TM7SF2: variants seen among roughly 807,000 people sequenced by gnomAD.
The protein encoded by TM7SF2 is delta(14)-sterol reductase TM7SF2.
A neutral mutation model predicts 51.0 loss-of-function variants in TM7SF2; 51 were observed. The observed-to-expected ratio is 1.00, with a 90% confidence interval of 0.80 to 1.26. The LOEUF is 1.26. TM7SF2 is among the 50% of genes most tolerant of loss of function. The pLI, the probability that TM7SF2 is intolerant of heterozygous loss-of-function variation, is 0.00. For synonymous variants in TM7SF2, 255 were observed against 241.0 expected, an observed-to-expected ratio of 1.06 and a Z score of -0.54; for missense variants, 541 against 547.4, an observed-to-expected ratio of 0.99 and a Z score of 0.12.
chr11:65,112,803 A>C lies in TM7SF2; in HGVS notation c.250-8A>C. The C allele has an allele frequency of 6.5e-7, 1 of 1,550,052 alleles. No homozygotes were observed. The highest frequency in any genetic ancestry group is 8.7e-7 in the Non-Finnish European group (1 of 1,146,818). On this transcript the variant is annotated splice_region_variant and splice_polypyrimidine_tract_variant and intron_variant, in intron 2 of 9. Transcript: ENST00000279263. ...CCGGGCCTTATCAGAGCCCCCTTGG[A>C]CCCGCAGGTGGCCGAGGGGCAGGAA...
Position 65,114,760 on chromosome 11 carries a change from C to T in TM7SF2, c.651C>T (p.Gly217=), listed in dbSNP as rs747583561. ...TGATGAAGGAGGCAGAGCTTCGAGGCAGTCCCTCACTGGCCATGTGGCTGG... is the reference window on the plus strand; with the variant it reads ...TGATGAAGGAGGCAGAGCTTCGAGGTAGTCCCTCACTGGCCATGTGGCTGG... ...ALLMKEAELR[G]SPSLAMWLVN... The change falls in exon 6 of 10, where the codon GGC becomes GGT. Residue 217 remains glycine (G), a synonymous_variant. Transcript: ENST00000279263. 3 of 1,614,258 alleles carry T rather than the reference C, an allele frequency of 1.9e-6. No individual in the cohort carries two copies. Among genetic ancestry groups the T allele is most frequent in the Non-Finnish European group, 1.7e-6 (2 of 1,180,042 alleles).
At position 65,115,923 on chromosome 11, in the gene TM7SF2, T is replaced by C; in HGVS notation, c.1127T>C (p.Leu376Pro). 6.2e-7 allele frequency: 1 copy of C among 1,614,012 alleles called. No individual in the cohort carries two copies. Among genetic ancestry groups the C allele is most frequent in the Non-Finnish European group, 8.5e-7 (1 of 1,179,990 alleles). The change falls in exon 10 of 10, where the codon CTC becomes CCC. Residue 376 changes from leucine to proline, a missense_variant. Physicochemically the swap from Leu to Pro is moderately conservative, Grantham distance 98 (BLOSUM62 -3). Transcript: ENST00000279263. The stretch of plus-strand genomic sequence containing the variant: ...TCACACCTGCTGCCCTACTTCTACC[T>C]CCTCTACTTCACCGCGCTGCTGGTG... ...GVSHLLPYFYLLYFTALLVHR... is the reference protein window; with the variant it reads ...GVSHLLPYFYPLYFTALLVHR...
chr11:65,113,141 G>A (rs2137201746), intron 3 of TM7SF2, 79 bp from the exon 4 acceptor site: 1 of 1,430,392 alleles, frequency 7.0e-7, no homozygotes, highest in Non-Finnish European at 9.2e-7. Flanking sequence ...GCCCCCCTGA[G>A]TTTTGGGCTC....
At chr11:65,115,824 T>C in intron 9 of TM7SF2, 69 bp from the exon 10 acceptor site, 1 of 1,610,254 alleles carries the variant, frequency 6.2e-7, no homozygotes, top group South Asian at 1.1e-5. Flanking sequence ...AGCCATGAGG[T>C]GTGGAAACGT....
intron 9 of TM7SF2, 56 bp from the exon 10 acceptor site, chr11:65,115,837 G>C: frequency 6.2e-7 from 1 of 1,613,172 alleles, no homozygotes; most frequent in South Asian, 1.1e-5. Flanking sequence ...GGAAACGTTT[G>C]TGAACTGCGG....
Position 65,115,571 on chromosome 11 carries a change from A to T in TM7SF2, c.1069A>T (p.Met357Leu). ...RHPNYLGDLIMALAWSLPCGV... is the reference protein window; with the variant it reads ...RHPNYLGDLILALAWSLPCGV... ...TCCCAACTATCTTGGAGACCTCATC[A>T]TGGCTCTGGCTTGGTCCTTGCCCTG... is the stretch of plus-strand genomic sequence containing the variant. Residue 357 changes from methionine to leucine, a missense_variant, in exon 9 of 10, where the codon ATG becomes TTG. Coordinates refer to ENST00000279263, the MANE Select transcript of TM7SF2 (RefSeq NM_003273.6). 3 of 1,614,048 alleles carry T rather than the reference A, an allele frequency of 1.9e-6. No homozygotes were observed. The highest frequency in any genetic ancestry group is 2.5e-6 in the Non-Finnish European group (3 of 1,179,992).
At position 65,112,863 on chromosome 11, in the gene TM7SF2, A is replaced by G; in HGVS notation, c.302A>G (p.Asn101Ser). The change falls in exon 3 of 10, where the codon AAC becomes AGC. Residue 101 changes from asparagine (N) to serine (S), a missense_variant and splice_region_variant. By Grantham distance (46) the Asn-to-Ser change is conservative. Coordinates refer to ENST00000279263, the MANE Select transcript of TM7SF2 (RefSeq NM_003273.6). ...KDKSRLRYPI[N>S]GFQALVLTAL... ...AAGAGTCGCCTGCGCTATCCTATTA[A>G]CGGTGCCTAGGGGACGGGCCCTCGC... is the stretch of plus-strand genomic sequence containing the variant. The G allele has an allele frequency of 2.0e-6, 3 of 1,530,756 alleles. No individual in the cohort carries two copies. The highest frequency in any genetic ancestry group is 1.7e-4 in the Middle Eastern group (1 of 5,892). The allele number at this position is 1,530,756 out of a possible 1,614,324, so 94.8% of individuals were successfully genotyped here. A position where few individuals can be genotyped will look rare whatever the true frequency, so the allele number is the denominator to read the frequency against.
At chr11:65,113,436 A>G in intron 4 of TM7SF2, 22 bp downstream of exon 4, 1 of 1,614,130 alleles carries the variant, frequency 6.2e-7, no homozygotes, top group Non-Finnish European at 8.5e-7. Context: ...CCTGGGGTGG[A>G]GACGGAGGCA....
chr11:65,113,273 G>A lies in TM7SF2; in HGVS notation c.358G>A (p.Gly120Arg). Residue 120 changes from glycine (G) to arginine (R), a missense_variant, in exon 4 of 10, where the codon GGG (glycine) becomes AGG (arginine). Coordinates refer to ENST00000279263, the MANE Select transcript of TM7SF2 (RefSeq NM_003273.6). ...GTTGGTGGGGCTGGGGATGTCAGCGGGGCTGCCTCTGGGGGCGCTCCCGGA... is the reference window on the plus strand; with the variant it reads ...GTTGGTGGGGCTGGGGATGTCAGCGAGGCTGCCTCTGGGGGCGCTCCCGGA... ...ALLVGLGMSA[G>R]LPLGALPEML... is the part of the protein sequence containing the mutation. The A allele has an allele frequency of 6.2e-7, 1 of 1,609,336 alleles. No homozygotes were observed. Among genetic ancestry groups the A allele is most frequent in the Non-Finnish European group, 8.5e-7 (1 of 1,179,990 alleles).
Position 65,114,997 on chromosome 11 carries a change from A to AC in TM7SF2, c.810dup (p.Tyr271LeufsTer50), listed in dbSNP as rs758861678. ...TGGGGACATGGCCTGGGTGCCCTTCACCTACAGCCTGCAGGCCCAGTTCCT... is the reference window on the plus strand; with the variant it reads ...TGGGGACATGGCCTGGGTGCCCTTCACCCTACAGCCTGCAGGCCCAGTTCCT... On this transcript the variant is annotated frameshift_variant, in exon 7 of 10. Transcript: ENST00000279263. LOFTEE classifies it high-confidence loss of function. The AC allele has an allele frequency of 1.2e-5, 19 of 1,613,986 alleles. No homozygotes were observed. The highest frequency in any genetic ancestry group is 1.6e-5 in the Non-Finnish European group (19 of 1,180,008).
At position 65,112,373 on chromosome 11, in the gene TM7SF2, G is replaced by A. The variant is rs957443083; in HGVS notation, c.53-142G>A. On this transcript the variant is annotated intron_variant, in intron 1 of 9. Coordinates refer to ENST00000279263, the MANE Select transcript of TM7SF2 (RefSeq NM_003273.6). ...AACTGGGAGGCAGCGGGGTGCCTGGGGGCCGAGGGCTGAGGACGGGGTGCG... is the reference window on the plus strand; with the variant it reads ...AACTGGGAGGCAGCGGGGTGCCTGGAGGCCGAGGGCTGAGGACGGGGTGCG... 4.1e-6 allele frequency: 4 copies of A among 972,088 alleles called. No homozygotes were observed. In the African/African-American group the frequency reaches 7.0e-5, roughly 17 times the overall value. 60.2% of individuals were successfully genotyped at this position (972,088 alleles called of 1,614,324 possible). A position where few individuals can be genotyped will look rare whatever the true frequency, so the allele number is the denominator to read the frequency against.
chr11:65,113,864 G>T (rs1475898434), intron 5 of TM7SF2: 2 of 497,148 alleles, frequency 4.0e-6, no homozygotes, highest in African/African-American at 1.9e-5. Flanking sequence ...CAGGGATGAC[G>T]TTAGGAGAGC....
rs1233977520 is a variant in TM7SF2 at position 65,115,054 on chromosome 11, A to G, written c.865A>G (p.Met289Val). Residue 289 changes from methionine to valine, a missense_variant, in exon 7 of 10, where the codon ATG (methionine) becomes GTG (valine). Physicochemically the swap from Met to Val is conservative, Grantham distance 21 (BLOSUM62 1). Coordinates refer to ENST00000279263, the MANE Select transcript of TM7SF2 (RefSeq NM_003273.6). ...LHHPQPLGLP[M>V]ASVICLINAT... ...CCACCCGCAGCCCCTGGGGTTGCCC[A>G]TGGCCTCTGTCATCTGCCTCATCAA... 8 of 1,613,830 alleles carry G rather than the reference A, an allele frequency of 5.0e-6. No homozygotes were observed. The highest frequency in any genetic ancestry group is 2.2e-5 in the East Asian group (1 of 44,902).
At chr11:65,114,047 G>T (rs1323600351) in intron 5 of TM7SF2, among the ~76,000 whole-genome samples, 1 of 152,124 alleles carries the variant, frequency 6.6e-6, no homozygotes, top group Non-Finnish European at 1.5e-5. Context: ...CTGTGGCCAA[G>T]ATTACCCAAA....
Position 65,113,487 on chromosome 11 carries a change from C to G in TM7SF2, c.500-4C>G, listed in dbSNP as rs1947938455. ...CTGTACATTCACTCTCCAATATTCTCCAGGCAATCCGATTTACGACTTTTT... is the reference window on the plus strand; with the variant it reads ...CTGTACATTCACTCTCCAATATTCTGCAGGCAATCCGATTTACGACTTTTT... On this transcript the variant is annotated splice_region_variant and splice_polypyrimidine_tract_variant and intron_variant, in intron 4 of 9. Transcript: ENST00000279263. 1 of 1,614,194 alleles carries G rather than the reference C, an allele frequency of 6.2e-7. No individual in the cohort carries two copies. The highest frequency in any genetic ancestry group is 1.1e-5 in the South Asian group (1 of 91,082).
chr11:65,113,619 C>G, intron 5 of TM7SF2, 25 bp downstream of exon 5: 1 of 1,609,296 alleles, frequency 6.2e-7, no homozygotes, highest in Non-Finnish European at 8.5e-7. Context: ...ACTGAGCTGG[C>G]CTCAGGCCAG....
chr11:65,113,474 T>C lies in TM7SF2; in HGVS notation c.500-17T>C. 3 of 1,614,124 alleles carry C rather than the reference T, an allele frequency of 1.9e-6. No individual in the cohort carries two copies. Among genetic ancestry groups the C allele is most frequent in the Non-Finnish European group, 2.5e-6 (3 of 1,179,952 alleles). On this transcript the variant is annotated splice_polypyrimidine_tract_variant and intron_variant, in intron 4 of 9. Coordinates refer to ENST00000279263, the MANE Select transcript of TM7SF2 (RefSeq NM_003273.6). Reference sequence around the variant, plus strand: ...TTGGGGCGTCTGCCTGTACATTCACTCTCCAATATTCTCCAGGCAATCCGA... The same window carrying C: ...TTGGGGCGTCTGCCTGTACATTCACCCTCCAATATTCTCCAGGCAATCCGA...
rs1947972170 is a variant in TM7SF2 at position 65,115,722 on chromosome 11, G to T, written c.1096+124G>T. ...TCAGAGAGCTGGGGGTGGACCCAGT[G>T]TGTGGCTGGGGCACACCTCTGTGCC... On this transcript the variant is annotated intron_variant, in intron 9 of 9. Transcript: ENST00000279263. 5.7e-6 allele frequency: 9 copies of T among 1,581,462 alleles called. No homozygotes were observed. The Admixed American group carries it at 6.7e-5, about 12-fold the overall frequency.
chr11:65,112,322 G>A, intron 1 of TM7SF2, 193 bp from the exon 2 acceptor site: 1 of 693,588 alleles, frequency 1.4e-6, no homozygotes. Context: ...TGGGGGCGGG[G>A]GACTAAGATG....
Sources: allele counts gnomAD v4.1 joint callset (sites outside exome capture counted in the v4.1 genomes callset), GRCh38; gene constraint gnomAD v4.1.1; transcripts MANE v1.5; gene names NCBI Gene and HGNC (gene_info 2026-07-23, HGNC 2026-07-21).